Variants in MYO1F observed in about 807,000 individuals in gnomAD.
The protein encoded by MYO1F is myosin IF, also known as unconventional myosin-If.
In MYO1F, 60 loss-of-function variants were observed where a neutral mutation model predicts 146.6. The observed-to-expected ratio is 0.41, with a 90% CI of 0.33 to 0.51. The LOEUF (loss-of-function observed/expected upper bound fraction) is 0.51, where lower values mean the gene tolerates loss of function less well. MYO1F is among the 20% of genes least tolerant of loss of function. The probability of loss-of-function intolerance (pLI) is 0.25; values close to 1 mark genes in which losing one functional copy is unlikely to be tolerated. For synonymous variants in MYO1F, 602 were observed against 602.1 expected, an observed-to-expected ratio of 1.00 and a Z score of 0.00; for missense variants, 1,274 against 1,534.3, an observed-to-expected ratio of 0.83 and a Z score of 2.83.
chr19:8,575,196 C>A (rs1236920240), intron 1 of MYO1F, among the ~76,000 whole-genome samples: 1 of 151,598 alleles, frequency 6.6e-6, no homozygotes, highest in Non-Finnish European at 1.5e-5. Flanking sequence ...CCTGCCTCAG[C>A]CTCCCGAGTA....
intron 19 of MYO1F, among the ~76,000 whole-genome samples, chr19:8,533,309 G>A (rs1012471206): frequency 5.3e-5 from 8 of 150,510 alleles, no homozygotes; most frequent in African/African-American, 1.5e-4. Context: ...GATTACAGGC[G>A]TGAGCCAGCG....
chr19:8,552,449 ATT>A (rs1395749631), intron 6 of MYO1F, among the ~76,000 whole-genome samples: 1 of 151,674 alleles, frequency 6.6e-6, no homozygotes, highest in African/African-American at 2.4e-5. Flanking sequence ...GGCAGAGCTA[ATT>A]TTTGTATTTT....
chr19:8,559,739 CG>C (rs1974000456), intron 1 of MYO1F, among the ~76,000 whole-genome samples: 1 of 151,680 alleles, frequency 6.6e-6, no homozygotes, highest in South Asian at 2.1e-4. Context: ...CATCTAAGGT[CG>C]GGAGTTTGAG....
chr19:8,531,276 G>A (rs1355799553), intron 19 of MYO1F, among the ~76,000 whole-genome samples: 1 of 152,136 alleles, frequency 6.6e-6, no homozygotes, highest in Admixed American at 6.6e-5. Context: ...GAACCTGGGA[G>A]TTGGAGGTTG....
rs374105823 is a variant in MYO1F, at chr19:8,550,275, C to T, written c.986G>A (p.Arg329His). The T allele has an allele frequency of 8.7e-6, 14 of 1,614,076 alleles. No individual in the cohort carries two copies. In the Admixed American group the frequency reaches 1.2e-4, roughly 13 times the overall value. ...GATGGACTCGCTGCGCCCGCCCCAG[C>T]GGCTGTCCATCTTGCGGCTGGTCAG... ...EKLTSRKMDS[R>H]WGGRSESINV... Residue 329 changes from arginine (R) to histidine (H), a missense_variant, in exon 10 of 28, where the codon CGC (arginine) becomes CAC (histidine). By Grantham distance (29) the Arg-to-His change is conservative (BLOSUM62 0). This residue lies in a region of MYO1F where 900 missense variants were observed against 1,155.1 expected (regional missense o/e 0.78). Coordinates refer to ENST00000644032, the MANE Select transcript of MYO1F (RefSeq NM_012335.4).
At chr19:8,563,968 G>T (rs1311821727) in intron 1 of MYO1F, among the ~76,000 whole-genome samples, 1 of 152,172 alleles carries the variant, frequency 6.6e-6, no homozygotes, top group African/African-American at 2.4e-5. Context: ...ACATTTTATT[G>T]TAAGGTCTTC....
intron 19 of MYO1F, among the ~76,000 whole-genome samples, chr19:8,533,193 A>AT (rs934509804): frequency 4.8e-4 from 72 of 149,720 alleles, no homozygotes; most frequent in African/African-American, 1.1e-3. Context: ...TTATATATAT[A>AT]TTTTTTTGGT....
intron 1 of MYO1F, among the ~76,000 whole-genome samples, chr19:8,565,788 T>C (rs940209746): frequency 6.6e-6 from 1 of 151,346 alleles, no homozygotes. Flanking sequence ...TAGAAAACAA[T>C]GACAACAACA....
At chr19:8,542,147 T>A (rs948049654) in intron 14 of MYO1F, among the ~76,000 whole-genome samples, 156 bp from the exon 15 acceptor site, 2 of 147,482 alleles carry the variant, frequency 1.4e-5, no homozygotes, top group African/African-American at 2.5e-5. Context: ...GGGGGGTATC[T>A]ACAGTTCAGA....
chr19:8,558,304 C>A (rs1179820813), intron 1 of MYO1F, among the ~76,000 whole-genome samples: 1 of 152,064 alleles, frequency 6.6e-6, no homozygotes, highest in Admixed American at 6.6e-5. Flanking sequence ...GCTGGGACCA[C>A]AGGTGTGTGC....
intron 14 of MYO1F, among the ~76,000 whole-genome samples, chr19:8,542,339 T>TG (rs1973014555): frequency 2.8e-5 from 1 of 35,244 alleles, no homozygotes; most frequent in African/African-American, 1.2e-4. Context: ...GATTGGTGGG[T>TG]GGGGGGCTGC....
At chr19:8,537,342 A>C (rs1972771785) in intron 16 of MYO1F, among the ~76,000 whole-genome samples, 1 of 152,194 alleles carries the variant, frequency 6.6e-6, no homozygotes, top group South Asian at 2.1e-4. Context: ...GTAAGTGCTC[A>C]GTAAATGTTT....
intron 14 of MYO1F, 45 bp downstream of exon 14, chr19:8,544,252 G>C (rs759559251): frequency 6.2e-7 from 1 of 1,607,490 alleles, no homozygotes; most frequent in South Asian, 1.1e-5. Flanking sequence ...GGAGCCCTGG[G>C]GGTCTGCGAG....
chr19:8,529,150 A>G (rs973511844), intron 21 of MYO1F, among the ~76,000 whole-genome samples: 3 of 152,134 alleles, frequency 2.0e-5, no homozygotes, highest in Non-Finnish European at 4.4e-5. Context: ...AAGGTAGGTG[A>G]GGGTGTCCAG....
At chr19:8,550,081 T>G in intron 10 of MYO1F, 79 bp downstream of exon 10, 111 of 1,507,546 alleles carry the variant, frequency 7.4e-5, no homozygotes, top group Non-Finnish European at 9.6e-5. Context: ...ATTGCAGCCG[T>G]GAGCCACTGC....
chr19:8,532,314 T>G (rs369361765), intron 19 of MYO1F, among the ~76,000 whole-genome samples: 4 of 152,170 alleles, frequency 2.6e-5, no homozygotes, highest in African/African-American at 9.6e-5. Context: ...GTTGTAAAAG[T>G]CTAGACCCAG....
At position 8,555,730 on chromosome 19, in the gene MYO1F, G is replaced by A; in HGVS notation, c.70C>T (p.Leu24Phe). Residue 24 changes from leucine (L) to phenylalanine (F), a missense_variant, in exon 2 of 28, where the codon CTT (leucine) becomes TTT (phenylalanine). Physicochemically the swap from Leu to Phe is conservative, Grantham distance 22. This residue lies in a region of MYO1F where 900 missense variants were observed against 1,155.1 expected (regional missense o/e 0.78). Transcript: ENST00000644032. ...GCGTCTTCGGTGATCTGGGGAAGAA[G>A]CACCATGTCATCCACGCCGCTCTGC... ...VKQSGVDDMV[L>F]LPQITEDAIA... The A allele has an allele frequency of 6.2e-7, 1 of 1,614,136 alleles. No individual in the cohort carries two copies. Among genetic ancestry groups the A allele is most frequent in the South Asian group, 1.1e-5 (1 of 91,090 alleles).
At chr19:8,543,118 G>A (rs1046688946) in intron 14 of MYO1F, among the ~76,000 whole-genome samples, 23 of 150,194 alleles carry the variant, frequency 1.5e-4, no homozygotes, top group African/African-American at 5.6e-4. Flanking sequence ...TGGCCAGGCT[G>A]GTCTTGAACT....
chr19:8,546,944 G>A (rs1973384951), intron 12 of MYO1F, among the ~76,000 whole-genome samples: 1 of 152,048 alleles, frequency 6.6e-6, no homozygotes, highest in Admixed American at 6.6e-5. Flanking sequence ...CTCCCAAAGT[G>A]CTGGGATTAC....
Sources: allele counts gnomAD v4.1 joint callset (sites outside exome capture counted in the v4.1 genomes callset), GRCh38; gene constraint gnomAD v4.1.1; regional missense constraint gnomAD v4.1.1; transcripts MANE v1.5; gene names NCBI Gene and HGNC (gene_info 2026-07-23, HGNC 2026-07-21).